The following RBFOX1 variants were observed in gnomAD, a reference collection of about 807,000 sequenced individuals.
RBFOX1 encodes the protein RNA binding protein fox-1 homolog 1.
A neutral mutation model predicts 57.7 loss-of-function variants in RBFOX1; 8 were observed. The ratio of observed to expected loss-of-function variants is 0.14; its 90% confidence interval spans 0.08 to 0.25. RBFOX1 has a LOEUF of 0.25. Ranked by LOEUF, RBFOX1 falls within the 10% of genes least tolerant of loss-of-function variation. The pLI is 1.00. For synonymous variants in RBFOX1, 326 were observed against 222.4 expected (o/e 1.47, Z -4.15); for missense variants, 611 against 548.5 (o/e 1.11, Z -1.14).
chr16:5,949,336 C>T (rs1036579767), intron 4 of RBFOX1, among the ~76,000 whole-genome samples: 8 of 151,848 alleles, frequency 5.3e-5, no homozygotes, highest in African/African-American at 1.9e-4. Flanking sequence ...ACCATCCTGT[C>T]TAACACAGTG....
At position 6,019,278 on chromosome 16, in the gene RBFOX1, C is replaced by G. The variant is rs2095023687; in HGVS notation, c.-841C>G. 6.1e-6 allele frequency: 6 copies of G among 985,230 alleles called. No homozygotes were observed. The highest frequency in any genetic ancestry group is 2.3e-4 in the East Asian group (2 of 8,684). 61.0% of individuals were successfully genotyped at this position (985,230 alleles called of 1,614,324 possible). On this transcript the variant is annotated 5_prime_UTR_variant, in exon 1 of 16. Coordinates refer to ENST00000550418, the MANE Select transcript of RBFOX1 (RefSeq NM_018723.4). This position sits in a 1 kb window ranked among gnomAD's most constrained non-coding sequence, Gnocchi z 4.2. The stretch of plus-strand genomic sequence containing the variant: ...CACCCCAGCCCCCTTCCTGGTCTCC[C>G]GAGCGCGGGGTTTGAAGGTCACCTC...
At chr16:6,432,365 C>A (rs1050274282) in intron 2 of RBFOX1, among the ~76,000 whole-genome samples, 1 of 152,042 alleles carries the variant, frequency 6.6e-6, no homozygotes, top group African/African-American at 2.4e-5. Flanking sequence ...ATCTCAAAAT[C>A]TTCAATAAGA....
intron 1 of RBFOX1, among the ~76,000 whole-genome samples, chr16:6,222,461 G>A (rs72776415): frequency 0.15 from 22,800 of 151,546 alleles, 2,010 homozygotes; most frequent in Middle Eastern, 0.26. Flanking sequence ...AACTGGAGCT[G>A]TGACAATTGC....
At chr16:5,894,651 C>T (rs546427500) in intron 4 of RBFOX1, among the ~76,000 whole-genome samples, 12 of 152,176 alleles carry the variant, frequency 7.9e-5, no homozygotes, top group African/African-American at 2.9e-4. Flanking sequence ...CTTCTGAGCT[C>T]CCTGGAAGCA....
chr16:5,525,215 C>G (rs1012293553), intron 2 of RBFOX1, among the ~76,000 whole-genome samples: 2 of 152,112 alleles, frequency 1.3e-5, no homozygotes, highest in Admixed American at 6.5e-5. Flanking sequence ...CGGTCTTCAT[C>G]TTTGCAGGGT....
At chr16:6,981,650 G>C (rs1471502097) in intron 3 of RBFOX1, among the ~76,000 whole-genome samples, 2 of 152,186 alleles carry the variant, frequency 1.3e-5, no homozygotes, top group Admixed American at 1.3e-4. Flanking sequence ...ATAGTGGCAA[G>C]CCAGAGAATT....
chr16:6,376,049 C>T (rs1220098439), intron 2 of RBFOX1, among the ~76,000 whole-genome samples: 2 of 152,164 alleles, frequency 1.3e-5, no homozygotes, highest in Non-Finnish European at 2.9e-5. Context: ...TATAGGGGTA[C>T]ATTCCTTGAC....
chr16:6,965,165 T>A (rs1179326706), intron 3 of RBFOX1, among the ~76,000 whole-genome samples: 1 of 152,094 alleles, frequency 6.6e-6, no homozygotes, highest in Non-Finnish European at 1.5e-5. Flanking sequence ...CTGCTGCAGA[T>A]TGCTGTGGTG....
rs190089053 is a variant in RBFOX1 at position 6,507,359 on chromosome 16, A to G, written c.-63-147244A>G. 3.3e-5 allele frequency among the ~76,000 whole-genome samples: 5 copies of G among 152,282 alleles called. No individual in the cohort carries two copies. In the East Asian group the frequency reaches 7.7e-4, roughly 24 times the overall value. On this transcript the variant is annotated intron_variant, in intron 2 of 15. Transcript: ENST00000550418. ...GAATGTGGTTTGTCTATACCATGGA[A>G]TATTATTCAACCTTAAAAGGGAAAG...
intron 1 of RBFOX1, among the ~76,000 whole-genome samples, chr16:5,405,319 C>T (rs1214798859): frequency 6.6e-6 from 1 of 152,186 alleles, no homozygotes; most frequent in Non-Finnish European, 1.5e-5. Flanking sequence ...AGTAACTGAA[C>T]TATGGGACTG....
intron 3 of RBFOX1, among the ~76,000 whole-genome samples, chr16:6,778,498 C>T (rs1386545219): frequency 1.3e-5 from 2 of 152,108 alleles, no homozygotes; most frequent in African/African-American, 2.4e-5. Context: ...AATCCTTCAA[C>T]ATTAACATTG....
intron 4 of RBFOX1, among the ~76,000 whole-genome samples, chr16:7,481,274 C>A (rs78039720): frequency 1.3e-5 from 2 of 152,108 alleles, no homozygotes; most frequent in African/African-American, 4.8e-5. Flanking sequence ...AGGGTGCTTA[C>A]GGTTTTGTGG....
At chr16:6,802,215 C>G (rs757972190) in intron 3 of RBFOX1, among the ~76,000 whole-genome samples, 1 of 152,048 alleles carries the variant, frequency 6.6e-6, no homozygotes, top group African/African-American at 2.4e-5. Context: ...CTCTGGCTGC[C>G]TCAGCTTTTA....
intron 1 of RBFOX1, among the ~76,000 whole-genome samples, chr16:6,071,245 C>T (rs2095833850): frequency 1.3e-5 from 2 of 152,126 alleles, no homozygotes; most frequent in South Asian, 4.1e-4. Context: ...CGTTTGAGCC[C>T]AGGAGGTTGA....
intron 3 of RBFOX1, among the ~76,000 whole-genome samples, chr16:5,630,492 G>A (rs751636189): frequency 5.9e-5 from 9 of 151,976 alleles, no homozygotes; most frequent in African/African-American, 1.9e-4. Context: ...AAAACTTTGG[G>A]ACCTTAGACA....
chr16:7,329,421 A>G (rs563869622), intron 4 of RBFOX1, among the ~76,000 whole-genome samples: 6 of 152,330 alleles, frequency 3.9e-5, no homozygotes, highest in African/African-American at 1.4e-4. Context: ...CCACTGGGGA[A>G]TGGAAAGACA....
intron 4 of RBFOX1, among the ~76,000 whole-genome samples, chr16:7,262,478 A>G: frequency 6.6e-6 from 1 of 152,268 alleles, no homozygotes; most frequent in East Asian, 1.9e-4. Flanking sequence ...GGATCTATGT[A>G]TTAAAATTTA....
chr16:6,045,687 A>C (rs868613891), intron 1 of RBFOX1, among the ~76,000 whole-genome samples: 2 of 152,330 alleles, frequency 1.3e-5, no homozygotes, highest in South Asian at 4.1e-4. Context: ...AATAAATATG[A>C]GTCAACAAGA....
At chr16:5,733,688 C>T (rs886416175) in intron 3 of RBFOX1, among the ~76,000 whole-genome samples, 12 of 152,160 alleles carry the variant, frequency 7.9e-5, no homozygotes, top group Non-Finnish European at 1.3e-4. Context: ...TCTTTCCCTT[C>T]TCCTGGCTTC....
Sources: allele counts gnomAD v4.1 joint callset (sites outside exome capture counted in the v4.1 genomes callset), GRCh38; gene constraint gnomAD v4.1.1; non-coding constraint Gnocchi (gnomAD v3.1); transcripts MANE v1.5; gene names NCBI Gene and HGNC (gene_info 2026-07-23, HGNC 2026-07-21).